Variants in KALRN observed in about 807,000 individuals in gnomAD.
KALRN encodes kalirin.
KALRN carries 70 observed loss-of-function variants against 353.7 expected under a neutral mutation model. The observed-to-expected ratio is 0.20, with a 90% CI of 0.16 to 0.24. KALRN has a LOEUF of 0.24. KALRN is among the 10% of genes least tolerant of loss of function. The pLI is 1.00. For synonymous variants in KALRN, 1,391 were observed against 1,434.8 expected (o/e 0.97, Z 0.69); for missense variants, 2,791 against 3,756.7 (o/e 0.74, Z 6.72).
At chr3:124,131,537 T>C (rs758260487) in intron 1 of KALRN, among the ~76,000 whole-genome samples, 3 of 152,238 alleles carry the variant, frequency 2.0e-5, no homozygotes, top group Non-Finnish European at 2.9e-5. Flanking sequence ...TGGCAGCTAC[T>C]GATTAGAATC....
intron 34 of KALRN, among the ~76,000 whole-genome samples, chr3:124,630,546 G>A (rs1009652071): frequency 2.0e-5 from 3 of 152,154 alleles, no homozygotes; most frequent in Non-Finnish European, 4.4e-5. Flanking sequence ...GCAGGCATGA[G>A]GCACCACACC....
intron 6 of KALRN, among the ~76,000 whole-genome samples, chr3:124,304,007 T>A (rs562959660): frequency 5.3e-5 from 8 of 152,232 alleles, no homozygotes; most frequent in African/African-American, 1.7e-4. Context: ...CTGAGAAACC[T>A]TGCCCCAAGC....
intron 6 of KALRN, among the ~76,000 whole-genome samples, chr3:124,324,554 A>G (rs1217133521): frequency 6.6e-6 from 1 of 152,226 alleles, no homozygotes; most frequent in Non-Finnish European, 1.5e-5. Context: ...GAAATGCACT[A>G]TGTCAGAAAG....
At chr3:124,270,267 G>C (rs1560419062) in intron 5 of KALRN, among the ~76,000 whole-genome samples, 1 of 152,138 alleles carries the variant, frequency 6.6e-6, no homozygotes, top group Non-Finnish European at 1.5e-5. Context: ...TACAATGTCT[G>C]ATATCATGGT....
chr3:124,342,373 A>G (rs902270628), intron 9 of KALRN, among the ~76,000 whole-genome samples: 2 of 152,144 alleles, frequency 1.3e-5, no homozygotes, highest in African/African-American at 4.8e-5. Context: ...ATGTGTATGC[A>G]TTATTTATCT....
intron 16 of KALRN, among the ~76,000 whole-genome samples, chr3:124,431,712 A>T (rs1019768953): frequency 6.6e-6 from 1 of 152,218 alleles, no homozygotes; most frequent in African/African-American, 2.4e-5. Context: ...AAAATTGTTA[A>T]TGAGTCATTT....
At position 124,644,788 on chromosome 3, in the gene KALRN, C is replaced by T. The variant is rs765408352; in HGVS notation, c.5665-6020C>T. Among the ~76,000 whole-genome samples, 8 of 152,134 alleles carry T rather than the reference C, an allele frequency of 5.3e-5. No individual in the cohort carries two copies. The South Asian group carries it at 1.0e-3, about 20-fold the overall frequency. ...TGTGAACAGTGCTGCAATAAACATA[C>T]GTGTTCATGTGTCTTTATAGTAGAA... is the stretch of plus-strand genomic sequence containing the variant. On this transcript the variant is annotated intron_variant, in intron 37 of 59. Coordinates refer to ENST00000682506, the MANE Select transcript of KALRN (RefSeq NM_001388419.1).
At chr3:124,378,674 C>T (rs1285729620) in intron 10 of KALRN, among the ~76,000 whole-genome samples, 1 of 76,386 alleles carries the variant, frequency 1.3e-5, no homozygotes, top group Non-Finnish European at 2.6e-5. Flanking sequence ...GCACAGAATT[C>T]CCAGGTTTTG....
At chr3:124,354,403 A>C (rs972044541) in intron 10 of KALRN, among the ~76,000 whole-genome samples, 4 of 152,198 alleles carry the variant, frequency 2.6e-5, no homozygotes, top group Admixed American at 2.6e-4. Flanking sequence ...GGCTTCTGGC[A>C]AGGGATGGAG....
At chr3:124,408,460 G>A (rs544744846) in intron 13 of KALRN, among the ~76,000 whole-genome samples, 42 of 152,230 alleles carry the variant, frequency 2.8e-4, no homozygotes, top group African/African-American at 9.4e-4. Flanking sequence ...TGAGACCATG[G>A]GAGAAACTAT....
intron 5 of KALRN, among the ~76,000 whole-genome samples, chr3:124,271,008 T>C (rs2148943259): frequency 6.6e-6 from 1 of 152,114 alleles, no homozygotes; most frequent in South Asian, 2.1e-4. Flanking sequence ...TTTTTGTATT[T>C]TTTTAGTAGA....
intron 34 of KALRN, among the ~76,000 whole-genome samples, chr3:124,578,333 C>A (rs1488680784): frequency 6.6e-6 from 1 of 152,114 alleles, no homozygotes; most frequent in Non-Finnish European, 1.5e-5. Context: ...ATTAGCCATC[C>A]CGATATCAGC....
At chr3:124,315,433 C>T (rs1387558717) in intron 6 of KALRN, among the ~76,000 whole-genome samples, 2 of 152,184 alleles carry the variant, frequency 1.3e-5, no homozygotes, top group African/African-American at 4.8e-5. Flanking sequence ...AGGTTTCTGA[C>T]TCATGGTTGG....
intron 1 of KALRN, among the ~76,000 whole-genome samples, chr3:124,174,301 G>A (rs7645597): frequency 0.034 from 5,210 of 152,136 alleles, 266 homozygotes; most frequent in African/African-American, 0.12. Context: ...GGCCCTGGTG[G>A]TGTGTGCCTG....
chr3:124,070,329 A>G (rs991603705), intron 1 of KALRN, among the ~76,000 whole-genome samples: 4 of 152,226 alleles, frequency 2.6e-5, no homozygotes, highest in Non-Finnish European at 5.9e-5. Flanking sequence ...AAGCGTCCAC[A>G]TACATACTTA....
chr3:124,452,855 G>A (rs1254914888), intron 21 of KALRN, among the ~76,000 whole-genome samples: 1 of 152,104 alleles, frequency 6.6e-6, no homozygotes, highest in Non-Finnish European at 1.5e-5. Context: ...AATTTTCTCT[G>A]GTAGAGCTGC....
At chr3:124,643,165 T>C (rs1161817675) in intron 37 of KALRN, among the ~76,000 whole-genome samples, 1 of 152,002 alleles carries the variant, frequency 6.6e-6, no homozygotes. Context: ...TTCCACCATT[T>C]TTTGTTTGTT....
intron 28 of KALRN, among the ~76,000 whole-genome samples, chr3:124,485,838 C>A (rs2062511997): frequency 6.6e-6 from 1 of 152,114 alleles, no homozygotes; most frequent in Non-Finnish European, 1.5e-5. Context: ...TGAGATTGCA[C>A]CACTGCACTC....
At chr3:124,110,427 T>C (rs904547611) in intron 1 of KALRN, among the ~76,000 whole-genome samples, 1 of 147,600 alleles carries the variant, frequency 6.8e-6, no homozygotes, top group Non-Finnish European at 1.5e-5. Context: ...ATTCCATTTT[T>C]ATGTATGTAT....
Sources: gnomAD v4.1 joint callset for allele counts (sites outside exome capture counted in the v4.1 genomes callset) on GRCh38, gnomAD v4.1.1 for gene constraint, MANE v1.5 for transcripts, NCBI Gene and HGNC (gene_info 2026-07-23, HGNC 2026-07-21) for gene names.